Variants in B3GALNT2 observed in about 807,000 individuals in gnomAD.
The protein encoded by B3GALNT2 is UDP-GalNAc:beta-1,3-N-acetylgalactosaminyltransferase 2.
In B3GALNT2, 53 loss-of-function variants were observed where a neutral mutation model predicts 61.1. That is an observed-to-expected ratio of 0.87 (90% confidence interval 0.70 to 1.09). The LOEUF (loss-of-function observed/expected upper bound fraction) is 1.09, where lower values mean the gene tolerates loss of function less well. Among genes scored for constraint, B3GALNT2 ranks in the 50% least tolerant of loss-of-function variants. The probability of loss-of-function intolerance (pLI) is 0.00; values close to 1 mark genes in which losing one functional copy is unlikely to be tolerated. For missense variants in B3GALNT2, 544 were observed against 623.0 expected, an observed-to-expected ratio of 0.87 and a Z score of 1.35; for synonymous variants, 223 against 237.4, an observed-to-expected ratio of 0.94 and a Z score of 0.56.
downstream of B3GALNT2, among the ~76,000 whole-genome samples, chr1:235,444,024 TAAATG>T (rs971434120): frequency 6.6e-6 from 1 of 152,224 alleles, no homozygotes; most frequent in African/African-American, 2.4e-5. Flanking sequence ...AGGATTTAAA[TAAATG>T]AAATACACAT....
Position 235,447,423 on chromosome 1 carries a change from A to AAAG in B3GALNT2, c.*2780_*2782dup, listed in dbSNP as rs1183798081. ...ACTATTTACCACAACCCGTCTTTGG[A>AAAG]AAGAAGTTCATAGTGTATTCTGAAC... On this transcript the variant is annotated 3_prime_UTR_variant, in exon 12 of 12. Coordinates refer to ENST00000366600, the MANE Select transcript of B3GALNT2 (RefSeq NM_152490.5). 1.3e-5 allele frequency among the ~76,000 whole-genome samples: 2 copies of AAAG among 152,234 alleles called. No homozygotes were observed. The highest frequency in any genetic ancestry group is 4.8e-5 in the African/African-American group (2 of 41,450).
intron 6 of B3GALNT2, among the ~76,000 whole-genome samples, chr1:235,467,770 G>A (rs934543379): frequency 2.7e-5 from 4 of 149,638 alleles, no homozygotes; most frequent in African/African-American, 9.9e-5. Flanking sequence ...GTGAGCCACC[G>A]CGCCCGGCCT....
At chr1:235,473,927 C>G (rs965230689) in intron 5 of B3GALNT2, among the ~76,000 whole-genome samples, 5 of 152,154 alleles carry the variant, frequency 3.3e-5, no homozygotes. Flanking sequence ...TCCTTCCTGG[C>G]ACCCAACTCC....
chr1:235,501,004 G>A (rs1482768866), intron 1 of B3GALNT2, among the ~76,000 whole-genome samples: 8 of 152,202 alleles, frequency 5.3e-5, no homozygotes. Flanking sequence ...CTTGGGAGAA[G>A]GGACTAGGCA....
At position 235,484,592 on chromosome 1, in the gene B3GALNT2, C is replaced by T. The variant is rs966061962; in HGVS notation, c.362-77G>A. Reference sequence around the variant, plus strand: ...TACTAGTAAGAAGTAGTGAAGTGGGCTTAATGCCAAAACCTAGGTAATCAT... The same window carrying T: ...TACTAGTAAGAAGTAGTGAAGTGGGTTTAATGCCAAAACCTAGGTAATCAT... On this transcript the variant is annotated intron_variant, in intron 3 of 11. Transcript: ENST00000366600. The T allele has an allele frequency of 5.5e-5, 79 of 1,441,106 alleles. 1 individual carries two copies. The highest frequency in any genetic ancestry group is 7.2e-5 in the Non-Finnish European group (79 of 1,092,556). 89.3% of individuals were successfully genotyped at this position (1,441,106 alleles called of 1,614,324 possible).
chr1:235,494,890 G>C, intron 1 of B3GALNT2, 62 bp from the exon 2 acceptor site: 3 of 1,359,570 alleles, frequency 2.2e-6, no homozygotes, highest in Non-Finnish European at 3.0e-6. Flanking sequence ...AGTTCAATAT[G>C]TATCATAAGT....
intron 7 of B3GALNT2, chr1:235,463,389 TCATATATATG>T (rs1683521460): frequency 1.3e-5 from 2 of 151,614 alleles, no homozygotes; most frequent in African/African-American, 2.4e-5. Flanking sequence ...ATATATTTAT[TCATATATATG>T]CATATATATA....
chr1:235,473,353 T>C (rs752439114), intron 5 of B3GALNT2, among the ~76,000 whole-genome samples: 1 of 152,226 alleles, frequency 6.6e-6, no homozygotes, highest in Admixed American at 6.5e-5. Flanking sequence ...AAAACTTTAA[T>C]AGTGATAGAG....
intron 2 of B3GALNT2, among the ~76,000 whole-genome samples, chr1:235,491,000 T>C (rs1685038954): frequency 6.6e-6 from 1 of 151,854 alleles, no homozygotes; most frequent in Non-Finnish European, 1.5e-5. Context: ...CTGTCTAGAC[T>C]TAAGAAAGTA....
chr1:235,448,581 C>G lies in B3GALNT2; in HGVS notation c.*1625G>C. ...TTTGATTTTAAGGGTAAGCTACTGC[C>G]TGGGGACGGGGTGGGGGAAGAGTAT... On this transcript the variant is annotated 3_prime_UTR_variant, in exon 12 of 12. Coordinates refer to ENST00000366600, the MANE Select transcript of B3GALNT2 (RefSeq NM_152490.5). 7.2e-7 allele frequency: 1 copy of G among 1,382,638 alleles called. No homozygotes were observed. 85.6% of individuals were successfully genotyped at this position (1,382,638 alleles called of 1,614,324 possible).
At chr1:235,483,399 CA>C (rs541823055) in intron 4 of B3GALNT2, among the ~76,000 whole-genome samples, 315 of 152,272 alleles carry the variant, frequency 2.1e-3, no homozygotes, top group African/African-American at 7.4e-3. Flanking sequence ...CATACATTTA[CA>C]GATTGAAGAA....
intron 5 of B3GALNT2, among the ~76,000 whole-genome samples, chr1:235,474,191 T>G (rs576337083): frequency 1.4e-4 from 22 of 152,366 alleles, no homozygotes; most frequent in South Asian, 8.3e-4. Context: ...TTTATTCTGA[T>G]GTAAGGCAAT....
chr1:235,477,974 C>T (rs1022608910), intron 5 of B3GALNT2, among the ~76,000 whole-genome samples: 3 of 152,178 alleles, frequency 2.0e-5, no homozygotes, highest in South Asian at 4.1e-4. Flanking sequence ...GAAATAGACA[C>T]AGTGAGATTA....
At chr1:235,467,422 G>C (rs1328977103) in intron 6 of B3GALNT2, among the ~76,000 whole-genome samples, 1 of 151,174 alleles carries the variant, frequency 6.6e-6, no homozygotes, top group Admixed American at 6.6e-5. Context: ...GCAGGCTATA[G>C]ATTCCAACGT....
intron 3 of B3GALNT2, among the ~76,000 whole-genome samples, chr1:235,488,368 TACCCCAAGGC>T (rs1409650116): frequency 6.6e-6 from 1 of 152,120 alleles, no homozygotes; most frequent in East Asian, 1.9e-4. Context: ...TCTCTACAGG[TACCCCAAGGC>T]AATCTGTCAA....
intron 1 of B3GALNT2, among the ~76,000 whole-genome samples, chr1:235,495,363 T>A (rs1207418276): frequency 6.6e-6 from 1 of 152,136 alleles, no homozygotes; most frequent in East Asian, 1.9e-4. Flanking sequence ...AAAATGTGCT[T>A]TGAAAAGTGA....
At chr1:235,464,252 T>G (rs554683423) in intron 7 of B3GALNT2, 15 of 152,308 alleles carry the variant, frequency 9.8e-5, no homozygotes, top group African/African-American at 3.6e-4. Context: ...TTTTGTGTGT[T>G]AAAGGGCACC....
chr1:235,472,578 A>G (rs1236746523), intron 5 of B3GALNT2, among the ~76,000 whole-genome samples: 1 of 152,242 alleles, frequency 6.6e-6, no homozygotes, highest in Non-Finnish European at 1.5e-5. Context: ...AAACACCTTG[A>G]GAACAGGAAG....
intron 1 of B3GALNT2, among the ~76,000 whole-genome samples, chr1:235,501,939 G>T (rs1282587585): frequency 6.6e-6 from 1 of 152,244 alleles, no homozygotes; most frequent in East Asian, 1.9e-4. Flanking sequence ...TAGCATTTAA[G>T]ATGCTTCCAC....
Sources: gnomAD v4.1 joint callset for allele counts (sites outside exome capture counted in the v4.1 genomes callset) on GRCh38, gnomAD v4.1.1 for gene constraint, MANE v1.5 for transcripts, NCBI Gene and HGNC (gene_info 2026-07-23, HGNC 2026-07-21) for gene names.